EXOC4: variants seen among roughly 807,000 people sequenced by gnomAD.
The protein encoded by EXOC4 is exocyst complex component 4, also known as SEC8-like 1.
Under a neutral mutation model 107.2 loss-of-function variants are expected in EXOC4, and 71 were observed. The observed-to-expected ratio is 0.66, with a 90% CI of 0.55 to 0.81. The LOEUF is 0.81. Ranked by LOEUF, EXOC4 falls within the 30% of genes least tolerant of loss-of-function variation. EXOC4 has a pLI of 0.00. For synonymous variants in EXOC4, 456 were observed against 441.2 expected (o/e 1.03, Z -0.42); for missense variants, 1,108 against 1,189.6 (o/e 0.93, Z 1.01).
chr7:133,647,498 A>G (rs1165591744), intron 10 of EXOC4, among the ~76,000 whole-genome samples: 1 of 152,070 alleles, frequency 6.6e-6, no homozygotes, highest in Non-Finnish European at 1.5e-5. Context: ...TGAGGCATGG[A>G]GAGATGAAGT....
chr7:133,805,291 G>T (rs560352699), intron 10 of EXOC4, among the ~76,000 whole-genome samples: 27 of 152,196 alleles, frequency 1.8e-4, no homozygotes, highest in Middle Eastern at 3.4e-3. Flanking sequence ...TAGCTGATTT[G>T]CCACAATTTA....
intron 10 of EXOC4, chr7:133,732,719 T>A (rs1197420797): frequency 6.4e-6 from 1 of 155,218 alleles, no homozygotes; most frequent in African/African-American, 2.4e-5. Flanking sequence ...CTGTCCGAAG[T>A]CAATTTACTG....
chr7:133,383,851 C>A (rs552828463), intron 7 of EXOC4, among the ~76,000 whole-genome samples: 1 of 152,230 alleles, frequency 6.6e-6, no homozygotes, highest in African/African-American at 2.4e-5. Context: ...TTTTGCGTGG[C>A]ATCGTGAAGT....
intron 9 of EXOC4, among the ~76,000 whole-genome samples, chr7:133,588,904 GTATGTGTATATATA>G (rs1244230720): frequency 6.7e-6 from 1 of 150,320 alleles, no homozygotes; most frequent in East Asian, 1.9e-4. Context: ...GTGTATATAT[GTATGTGTATATATA>G]TGTGTGTATA....
intron 10 of EXOC4, among the ~76,000 whole-genome samples, chr7:133,674,866 C>T (rs533681453): frequency 1.3e-5 from 2 of 152,192 alleles, no homozygotes; most frequent in Admixed American, 6.5e-5. Flanking sequence ...TCAAAGTTCA[C>T]CATGCTCACT....
At chr7:133,635,939 TCAGAA>T (rs1424876578) in intron 10 of EXOC4, among the ~76,000 whole-genome samples, 2 of 152,214 alleles carry the variant, frequency 1.3e-5, no homozygotes, top group South Asian at 2.1e-4. Flanking sequence ...AAATTCACTG[TCAGAA>T]CAGACTATTA....
At chr7:133,923,061 G>A (rs1414070210) in intron 13 of EXOC4, among the ~76,000 whole-genome samples, 1 of 151,034 alleles carries the variant, frequency 6.6e-6, no homozygotes, top group Admixed American at 6.6e-5. Flanking sequence ...GGGTAATACA[G>A]TATGCATATG....
In EXOC4 at chr7:133,317,350, C is replaced by A. The variant is rs1307396174; in HGVS notation, c.723C>A (p.Phe241Leu). 32 of 1,612,790 alleles carry A rather than the reference C, an allele frequency of 2.0e-5. No homozygotes were observed. Among genetic ancestry groups the A allele is most frequent in the Non-Finnish European group, 2.5e-5 (30 of 1,178,974 alleles). The change falls in exon 5 of 18, where the codon TTC becomes TTA. Residue 241 changes from phenylalanine (F) to leucine (L), a missense_variant. Phe to Leu is a conservative substitution (Grantham distance 22, BLOSUM62 0). Coordinates refer to ENST00000253861, the MANE Select transcript of EXOC4 (RefSeq NM_021807.4). ...CAAACCTCCCTACTCCTCGAAAATT[C>A]CTTGATACCTCTCACTATTCTACTG... Reference protein sequence around the residue: ...DVTNLPTPRKFLDTSHYSTAG... With the variant: ...DVTNLPTPRKLLDTSHYSTAG...
chr7:133,546,942 A>T (rs1800493687), intron 9 of EXOC4, among the ~76,000 whole-genome samples: 1 of 152,224 alleles, frequency 6.6e-6, no homozygotes, highest in Admixed American at 6.5e-5. Context: ...TATTGGGGAT[A>T]AAAGGCCAAA....
intron 9 of EXOC4, among the ~76,000 whole-genome samples, chr7:133,547,317 ATGATC>A (rs1800500851): frequency 6.6e-6 from 1 of 152,216 alleles, no homozygotes; most frequent in African/African-American, 2.4e-5. Flanking sequence ...AAAAATACTG[ATGATC>A]ATCTGAGCCT....
At chr7:133,256,911 G>A (rs1036587827) in intron 1 of EXOC4, among the ~76,000 whole-genome samples, 11 of 152,158 alleles carry the variant, frequency 7.2e-5, no homozygotes, top group South Asian at 2.1e-4. Context: ...CTAGTATAAA[G>A]TATTTAAACT....
In EXOC4 at chr7:133,764,392, C is replaced by T. The variant is rs1326806551; in HGVS notation, c.1515-52933C>T. ...TGAAGTCCTCCTTTCTCTTCCAGGA[C>T]GAGAAGGCTTCATGAATATTTTATG... is the stretch of plus-strand genomic sequence containing the variant. On this transcript the variant is annotated intron_variant, in intron 10 of 17. Coordinates refer to ENST00000253861, the MANE Select transcript of EXOC4 (RefSeq NM_021807.4). Among the ~76,000 whole-genome samples, 8 of 152,050 alleles carry T rather than the reference C, an allele frequency of 5.3e-5. No individual in the cohort carries two copies. In the East Asian group the frequency reaches 5.8e-4, roughly 11 times the overall value.
chr7:133,484,173 C>T, intron 9 of EXOC4: 1 of 1,589,752 alleles, frequency 6.3e-7, no homozygotes, highest in Non-Finnish European at 8.6e-7. Flanking sequence ...TAACAACACC[C>T]AAGAGGATAA....
intron 10 of EXOC4, among the ~76,000 whole-genome samples, chr7:133,754,150 T>A (rs1414030813): frequency 6.6e-6 from 1 of 151,780 alleles, no homozygotes; most frequent in Admixed American, 6.6e-5. Context: ...AGATGAGGGG[T>A]TTTGTCACAA....
Position 133,522,539 on chromosome 7 carries a change from G to C in EXOC4, c.1417+42401G>C, listed in dbSNP as rs980279411. Among the ~76,000 whole-genome samples, 4 of 151,796 alleles carry C rather than the reference G, an allele frequency of 2.6e-5. 1 individual carries two copies. The South Asian group carries it at 6.2e-4, about 24-fold the overall frequency. On this transcript the variant is annotated intron_variant, in intron 9 of 17. Coordinates refer to ENST00000253861, the MANE Select transcript of EXOC4 (RefSeq NM_021807.4). The stretch of plus-strand genomic sequence containing the variant: ...ATCATATATAGCGCATTGGGGGAGG[G>C]AGTGATGAAAGCCAAACTTGAAAAT...
At chr7:133,518,310 A>G (rs1799918498) in intron 9 of EXOC4, among the ~76,000 whole-genome samples, 1 of 140,672 alleles carries the variant, frequency 7.1e-6, no homozygotes, top group African/African-American at 2.7e-5. Context: ...TTTTCGTTAC[A>G]GTCTTCTATA....
At chr7:134,018,424 A>T (rs1184513516) in intron 17 of EXOC4, among the ~76,000 whole-genome samples, 1 of 152,160 alleles carries the variant, frequency 6.6e-6, no homozygotes, top group Non-Finnish European at 1.5e-5. Flanking sequence ...ATATACAGGA[A>T]GAAAGCCCTT....
intron 11 of EXOC4, among the ~76,000 whole-genome samples, chr7:133,857,727 G>A (rs1349628195): frequency 6.6e-6 from 1 of 152,038 alleles, no homozygotes; most frequent in Non-Finnish European, 1.5e-5. Context: ...AGCTTCTCTT[G>A]TGGGTGCCAG....
intron 1 of EXOC4, among the ~76,000 whole-genome samples, chr7:133,270,290 A>G (rs1228867952): frequency 2.6e-5 from 4 of 152,228 alleles, no homozygotes; most frequent in Non-Finnish European, 4.4e-5. Context: ...TATCGGCAGC[A>G]TGAAAATGGA....
Sources: gnomAD v4.1 joint callset for allele counts (sites outside exome capture counted in the v4.1 genomes callset) on GRCh38, gnomAD v4.1.1 for gene constraint, MANE v1.5 for transcripts, NCBI Gene and HGNC (gene_info 2026-07-23, HGNC 2026-07-21) for gene names.